The following TBC1D4 variants were observed in gnomAD, a reference collection of about 807,000 sequenced individuals.
The protein encoded by TBC1D4 is TBC (Tre-2, BUB2, CDC16) domain-containing protein.
Under a neutral mutation model 142.5 loss-of-function variants are expected in TBC1D4, and 121 were observed. The observed-to-expected ratio is 0.85, with a 90% CI of 0.73 to 0.99. The LOEUF is 0.99. Ranked by LOEUF, TBC1D4 falls within the 50% of genes least tolerant of loss-of-function variation. TBC1D4 has a pLI of 0.00. For synonymous variants in TBC1D4, 630 were observed against 628.2 expected, an observed-to-expected ratio of 1.00 and a Z score of -0.04; for missense variants, 1,475 against 1,606.6, an observed-to-expected ratio of 0.92 and a Z score of 1.40.
At chr13:75,415,125 C>CAAAA (rs35852438) in intron 1 of TBC1D4, among the ~76,000 whole-genome samples, 39 of 128,788 alleles carry the variant, frequency 3.0e-4, no homozygotes, top group Admixed American at 6.4e-4. Flanking sequence ...CTCCATCTCA[C>CAAAA]AAAAAAAAAA....
chr13:75,313,442 T>A (rs908912860), intron 12 of TBC1D4, among the ~76,000 whole-genome samples: 1 of 152,212 alleles, frequency 6.6e-6, no homozygotes, highest in African/African-American at 2.4e-5. Flanking sequence ...TTGGGATTAT[T>A]GGTAGGTGAT....
At chr13:75,360,609 C>T (rs76660633) in intron 2 of TBC1D4, among the ~76,000 whole-genome samples, 4,759 of 150,774 alleles carry the variant, frequency 0.032, 114 homozygotes, top group South Asian at 0.056. Context: ...TACTTCTTGC[C>T]ATCATTTTCA....
chr13:75,304,291 C>T (rs1417389465), intron 15 of TBC1D4, among the ~76,000 whole-genome samples: 7 of 152,138 alleles, frequency 4.6e-5, no homozygotes, highest in African/African-American at 1.7e-4. Flanking sequence ...CAACTTCATT[C>T]CAGTCAAACA....
At chr13:75,302,899 T>A in intron 15 of TBC1D4, 1 of 180,582 alleles carries the variant, frequency 5.5e-6, no homozygotes, top group South Asian at 1.3e-4. Context: ...TACTGCCTAT[T>A]TTCACTCTTT....
At chr13:75,324,564 C>G (rs1332806759) in intron 10 of TBC1D4, among the ~76,000 whole-genome samples, 163 bp from the exon 11 acceptor site, 1 of 152,056 alleles carries the variant, frequency 6.6e-6, no homozygotes, top group Non-Finnish European at 1.5e-5. Flanking sequence ...GCATGCAGTT[C>G]TCTATTTAGA....
intron 1 of TBC1D4, among the ~76,000 whole-genome samples, chr13:75,403,389 T>A (rs1009151951): frequency 6.6e-6 from 1 of 152,246 alleles, no homozygotes; most frequent in Admixed American, 6.5e-5. Flanking sequence ...TAGGCTCTAT[T>A]CATATTGCTT....
rs527519344 is a variant in TBC1D4 at position 75,362,485 on chromosome 13, A to G, written c.621T>C (p.Cys207=). The change falls in exon 2 of 21, where the codon TGT becomes TGC. Residue 207 remains cysteine, a synonymous_variant. Transcript: ENST00000377636. The surrounding 1 kb of genome is among the most constrained non-coding windows in gnomAD (Gnocchi z 4.2). ...TCTTGTGGGTCACGGTCACCTTTCC[A>G]CAGTACAGGACTTCGAACTTCTGAG... The part of the protein sequence containing the change: ...YNSQKFEVLY[C]GKVTVTHKKA... 8.7e-5 allele frequency: 141 copies of G among 1,614,188 alleles called. 3 individuals carry two copies. The South Asian group carries it at 1.5e-3, about 17-fold the overall frequency.
chr13:75,312,382 C>T (rs1048933153), intron 13 of TBC1D4, among the ~76,000 whole-genome samples: 1 of 142,946 alleles, frequency 7.0e-6, no homozygotes, highest in African/African-American at 2.8e-5. Context: ...ACTGCAACCC[C>T]AGCCTGGGCA....
At chr13:75,340,906 A>T (rs577995224) in intron 7 of TBC1D4, among the ~76,000 whole-genome samples, 1 of 152,296 alleles carries the variant, frequency 6.6e-6, no homozygotes, top group East Asian at 1.9e-4. Context: ...AGATCGTGCC[A>T]TTGCACTCCA....
Position 75,312,815 on chromosome 13 carries a change from C to T in TBC1D4, c.2306G>A (p.Arg769Gln), listed in dbSNP as rs371522134. 8.7e-6 allele frequency: 14 copies of T among 1,614,068 alleles called. No homozygotes were observed. The highest frequency in any genetic ancestry group is 1.6e-4 in the Middle Eastern group (1 of 6,084). The change falls in exon 13 of 21, where the codon CGG becomes CAG. Residue 769 changes from arginine to glutamine, a missense_variant. Transcript: ENST00000377636. The part of the protein sequence containing the change: ...SVGGTSVTPR[R>Q]ISWRQRIFLR... ...GAAAATGCGCTGCCGCCAGGAGATC[C>T]GGCGAGGAGTGACAGAGGTTCCTCC...
At chr13:75,420,383 A>G (rs1235720369) in intron 1 of TBC1D4, among the ~76,000 whole-genome samples, 1 of 152,246 alleles carries the variant, frequency 6.6e-6, no homozygotes, top group Non-Finnish European at 1.5e-5. Flanking sequence ...TATAGCATGT[A>G]AATCATAAAT....
At chr13:75,463,140 C>A (rs1218155421) in intron 1 of TBC1D4, among the ~76,000 whole-genome samples, 4 of 151,390 alleles carry the variant, frequency 2.6e-5, no homozygotes, top group African/African-American at 9.7e-5. Flanking sequence ...CACAGTATTG[C>A]CAATATTCCT....
chr13:75,407,008 C>T (rs1458665851), intron 1 of TBC1D4, among the ~76,000 whole-genome samples: 1 of 152,130 alleles, frequency 6.6e-6, no homozygotes, highest in African/African-American at 2.4e-5. Context: ...TCATTTCAGG[C>T]ATTCGTGATA....
intron 1 of TBC1D4, among the ~76,000 whole-genome samples, chr13:75,434,624 A>G (rs112524427): frequency 1.3e-5 from 2 of 152,136 alleles, no homozygotes; most frequent in East Asian, 1.9e-4. Context: ...AAACCTTCAC[A>G]TGTACCCCCA....
intron 1 of TBC1D4, among the ~76,000 whole-genome samples, chr13:75,447,183 G>C (rs1887323985): frequency 6.6e-6 from 1 of 152,148 alleles, no homozygotes; most frequent in Non-Finnish European, 1.5e-5. Context: ...TAGGGAGAAA[G>C]TATTTAGTAG....
At chr13:75,456,040 A>G (rs1249468111) in intron 1 of TBC1D4, among the ~76,000 whole-genome samples, 3 of 151,524 alleles carry the variant, frequency 2.0e-5, no homozygotes, top group Non-Finnish European at 2.9e-5. Flanking sequence ...TATGTTGCCC[A>G]GGCTGGCCTC....
intron 1 of TBC1D4, among the ~76,000 whole-genome samples, chr13:75,425,811 T>C (rs989873296): frequency 2.0e-5 from 3 of 152,094 alleles, no homozygotes; most frequent in Non-Finnish European, 2.9e-5. Flanking sequence ...GGCTGGAGTG[T>C]AGAGGCACTG....
Position 75,292,087 on chromosome 13 carries a change from G to C in TBC1D4, c.3486+15C>G, listed in dbSNP as rs1324576269. 8.7e-6 allele frequency: 14 copies of C among 1,601,642 alleles called. No homozygotes were observed. Among genetic ancestry groups the C allele is most frequent in the Non-Finnish European group, 1.2e-5 (14 of 1,171,314 alleles). ...AGAAAACTGCTATATAATACTATTA[G>C]CATTTAAATCATACCTGGGTAATAA... On this transcript the variant is annotated intron_variant, in intron 19 of 20. Coordinates refer to ENST00000377636, the MANE Select transcript of TBC1D4 (RefSeq NM_014832.5).
chr13:75,437,043 C>T (rs775386770), intron 1 of TBC1D4, among the ~76,000 whole-genome samples: 3 of 152,144 alleles, frequency 2.0e-5, no homozygotes, highest in Non-Finnish European at 4.4e-5. Context: ...ATAACTGGTG[C>T]TCTTTGAAAA....
Sources: gnomAD v4.1 joint callset for allele counts (sites outside exome capture counted in the v4.1 genomes callset) on GRCh38, gnomAD v4.1.1 for gene constraint, Gnocchi (gnomAD v3.1) non-coding constraint, MANE v1.5 for transcripts, NCBI Gene and HGNC (gene_info 2026-07-23, HGNC 2026-07-21) for gene names.